Variants in TTF2 observed in about 807,000 individuals in gnomAD.
The protein encoded by TTF2 is transcription termination factor 2, also known as RNA polymerase II termination factor.
Under a neutral mutation model 142.4 loss-of-function variants are expected in TTF2, and 108 were observed. That is an observed-to-expected ratio of 0.76 (90% CI 0.65 to 0.89). TTF2 has a LOEUF of 0.89. TTF2 is among the 40% of genes least tolerant of loss of function. TTF2 has a pLI of 0.00. For missense variants in TTF2, 1,327 were observed against 1,379.8 expected (o/e 0.96, Z 0.61); for synonymous variants, 483 against 506.2 (o/e 0.95, Z 0.61).
At chr1:117,074,763 T>A (rs1656851341) in intron 4 of TTF2, 107 bp from the exon 5 acceptor site, 1 of 1,072,716 alleles carries the variant, frequency 9.3e-7, no homozygotes, top group Non-Finnish European at 1.3e-6. Flanking sequence ...CAAAGCTGCA[T>A]ATGTACCCCC....
In TTF2 at chr1:117,075,678, A is replaced by T. The variant is rs1293917935; in HGVS notation, c.1094A>T (p.Lys365Met). Residue 365 changes from lysine (K) to methionine (M), a missense_variant, in exon 5 of 23, where the codon AAG (lysine) becomes ATG (methionine). By Grantham distance (95) the Lys-to-Met change is moderately conservative. Coordinates refer to ENST00000369466, the MANE Select transcript of TTF2 (RefSeq NM_003594.4). The surrounding 1 kb of genome is among the most constrained non-coding windows in gnomAD (Gnocchi z 4.5). ...EEDDVVFVSSKPGSPLLFDST... is the reference protein window; with the variant it reads ...EEDDVVFVSSMPGSPLLFDST... ...GATGATGTTGTTTTTGTTTCCTCTAAGCCTGGGAGCCCCCTACTCTTTGAC... is the reference window on the plus strand; with the variant it reads ...GATGATGTTGTTTTTGTTTCCTCTATGCCTGGGAGCCCCCTACTCTTTGAC... The T allele has an allele frequency of 1.2e-6, 2 of 1,614,026 alleles. No individual in the cohort carries two copies. The highest frequency in any genetic ancestry group is 3.3e-5 in the Admixed American group (2 of 59,990).
chr1:117,082,345 T>C (rs920974218), intron 10 of TTF2, among the ~76,000 whole-genome samples: 1 of 152,148 alleles, frequency 6.6e-6, no homozygotes, highest in Non-Finnish European at 1.5e-5. Context: ...CCCAAGTAGC[T>C]GGGACCACAA....
chr1:117,075,580 TGCACCAGCA>T lies in TTF2; in HGVS notation c.1004_1012del (p.Ala335_Pro337del). On this transcript the variant is annotated inframe_deletion, in exon 5 of 23. Transcript: ENST00000369466. This position sits in a 1 kb window ranked among gnomAD's most constrained non-coding sequence, Gnocchi z 4.5. ...CTCCTGGAGGACCAGCGGCTCAGGC[TGCACCAGCA>T]GCACCAGGGCTTTCCCTGGGTGAGG... The T allele has an allele frequency of 6.2e-7, 1 of 1,614,190 alleles. No individual in the cohort carries two copies. Among genetic ancestry groups the T allele is most frequent in the Non-Finnish European group, 8.5e-7 (1 of 1,180,036 alleles).
In TTF2 at chr1:117,081,815, T is replaced by C. The variant is rs1209933010; in HGVS notation, c.1784-13T>C. 1.2e-6 allele frequency: 2 copies of C among 1,609,764 alleles called. No individual in the cohort carries two copies. The highest frequency in any genetic ancestry group is 1.7e-6 in the Non-Finnish European group (2 of 1,178,294). On this transcript the variant is annotated splice_polypyrimidine_tract_variant and intron_variant, in intron 9 of 22. Transcript: ENST00000369466. Reference sequence around the variant, plus strand: ...AAGCAATTAACTCTCTTAATTTTGCTTTTATTTTCTAGCAGATGATATGGG... The same window carrying C: ...AAGCAATTAACTCTCTTAATTTTGCCTTTATTTTCTAGCAGATGATATGGG...
At chr1:117,081,761 C>T (rs1557816303) in intron 9 of TTF2, 67 bp from the exon 10 acceptor site, 1 of 1,560,436 alleles carries the variant, frequency 6.4e-7, no homozygotes, top group East Asian at 2.3e-5. Flanking sequence ...GTGGTTTCTC[C>T]TCTTGAACTA....
intron 12 of TTF2, among the ~76,000 whole-genome samples, chr1:117,088,027 C>T (rs1648186220): frequency 6.6e-6 from 1 of 152,178 alleles, no homozygotes; most frequent in African/African-American, 2.4e-5. Flanking sequence ...ATTATCTTTA[C>T]ACTTGTTTTT....
rs1303792491 is a variant in TTF2 at position 117,073,590 on chromosome 1, T to G, written c.219-71T>G. 1 of 1,445,954 alleles carries G rather than the reference T, an allele frequency of 6.9e-7. No individual in the cohort carries two copies. The highest frequency in any genetic ancestry group is 1.4e-5 in the African/African-American group (1 of 70,784). 89.6% of individuals were successfully genotyped at this position (1,445,954 alleles called of 1,614,324 possible). On this transcript the variant is annotated intron_variant, in intron 3 of 22. Transcript: ENST00000369466. This position sits in a 1 kb window ranked among gnomAD's most constrained non-coding sequence, Gnocchi z 4.4. ...ATAGTTGCAAGATGTTTTCTTGGAT[T>G]AAAAATAAGCTTATCTCTTGTTCTA...
At position 117,086,305 on chromosome 1, in the gene TTF2, C is replaced by A; in HGVS notation, c.2055-112C>A. The A allele has an allele frequency of 4.4e-6, 3 of 686,272 alleles. No individual in the cohort carries two copies. Among genetic ancestry groups the A allele is most frequent in the East Asian group, 5.4e-5 (2 of 37,330 alleles). The allele number at this position is 686,272 out of a possible 1,614,324, so 42.5% of individuals were successfully genotyped here. ...TGTTAAGGACACAAGTTAATGAGTT[C>A]TGCTGTTTGTCCTTCCATTTGTAGG... On this transcript the variant is annotated intron_variant, in intron 11 of 22. Transcript: ENST00000369466. The surrounding 1 kb of genome is among the most constrained non-coding windows in gnomAD (Gnocchi z 4.2).
intron 10 of TTF2, among the ~76,000 whole-genome samples, chr1:117,082,263 G>T (rs1459258316): frequency 1.3e-5 from 2 of 152,108 alleles, no homozygotes; most frequent in South Asian, 2.1e-4. Context: ...GCTCAGGCTG[G>T]AGTGCAGTGC....
At chr1:117,074,789 A>G in intron 4 of TTF2, 81 bp from the exon 5 acceptor site, 1 of 1,307,738 alleles carries the variant, frequency 7.6e-7, no homozygotes, top group South Asian at 1.6e-5. Context: ...ATAAAATAAA[A>G]GTTGAGATGA....
intron 3 of TTF2, among the ~76,000 whole-genome samples, chr1:117,068,533 T>TAA (rs1437294337): frequency 6.7e-6 from 1 of 148,434 alleles, no homozygotes; most frequent in Non-Finnish European, 1.5e-5. Flanking sequence ...CCCTAGAACT[T>TAA]AAAGTGTAAT....
In TTF2 at chr1:117,060,520, T is replaced by C; in HGVS notation, c.94T>C (p.Cys32Arg). 6.2e-7 allele frequency: 1 copy of C among 1,614,010 alleles called. No individual in the cohort carries two copies. The highest frequency in any genetic ancestry group is 1.3e-5 in the African/African-American group (1 of 75,058). ...GPNKGKSFYVCRADTCSFVRA... is the reference protein window; with the variant it reads ...GPNKGKSFYVRRADTCSFVRA... The stretch of plus-strand genomic sequence containing the variant: ...GAATAAAGGAAAGAGCTTCTACGTG[T>C]GCCGGGCAGACACGTGCAGCTTCGT... The change falls in exon 2 of 23, where the codon TGC (cysteine) becomes CGC (arginine). Residue 32 changes from cysteine to arginine, a missense_variant. Cys to Arg is a radical substitution (Grantham distance 180). Coordinates refer to ENST00000369466, the MANE Select transcript of TTF2 (RefSeq NM_003594.4).
At position 117,104,842 on chromosome 1, in the gene TTF2, C is replaced by T. The variant is rs1181944647; in HGVS notation, c.*3318C>T. On this transcript the variant is annotated 3_prime_UTR_variant, in exon 23 of 23. Coordinates refer to ENST00000369466, the MANE Select transcript of TTF2 (RefSeq NM_003594.4). ...GTTTTGTCCTCATGAGGCTTAGCAT[C>T]TAAGGGAGACAGGCATGAATTAACA... 2 of 152,168 alleles carry T rather than the reference C, an allele frequency of 1.3e-5. No individual in the cohort carries two copies. The highest frequency in any genetic ancestry group is 3.9e-4 in the East Asian group (2 of 5,194). 9.4% of individuals were successfully genotyped at this position (152,168 alleles called of 1,614,324 possible).
At position 117,069,342 on chromosome 1, in the gene TTF2, A is replaced by G. The variant is rs1656400878; in HGVS notation, c.219-4319A>G. Among the ~76,000 whole-genome samples, 4 of 152,232 alleles carry G rather than the reference A, an allele frequency of 2.6e-5. No homozygotes were observed. The South Asian group carries it at 6.2e-4, about 24-fold the overall frequency. On this transcript the variant is annotated intron_variant, in intron 3 of 22. Coordinates refer to ENST00000369466, the MANE Select transcript of TTF2 (RefSeq NM_003594.4). Reference sequence around the variant, plus strand: ...AGATGCGAGATGGTTCTGTGACTCTAAGACATACAGTTCAGGGCTAGGAAG... The same window carrying G: ...AGATGCGAGATGGTTCTGTGACTCTGAGACATACAGTTCAGGGCTAGGAAG...
chr1:117,098,769 C>A, intron 21 of TTF2, 64 bp from the exon 22 acceptor site: 2 of 1,464,274 alleles, frequency 1.4e-6, no homozygotes, highest in Non-Finnish European at 9.4e-7. Flanking sequence ...TGGCCCATGG[C>A]CCATAGTTTG....
rs1648660447 is a variant in TTF2 at position 117,092,225 on chromosome 1, T to G, written c.2805+275T>G. On this transcript the variant is annotated intron_variant, in intron 17 of 22. Transcript: ENST00000369466. The surrounding 1 kb of genome is among the most constrained non-coding windows in gnomAD (Gnocchi z 4.4). ...AACTGTTTAAGAAAAGAAAATGATA[T>G]TTTGTTTAAAAAGAAGCCATTTGTG... 6.6e-6 allele frequency among the ~76,000 whole-genome samples: 1 copy of G among 152,214 alleles called. No individual in the cohort carries two copies. Among genetic ancestry groups the G allele is most frequent in the Non-Finnish European group, 1.5e-5 (1 of 68,040 alleles).
chr1:117,060,635 G>C, intron 2 of TTF2, 78 bp downstream of exon 2: 1 of 1,426,926 alleles, frequency 7.0e-7, no homozygotes, highest in Non-Finnish European at 9.4e-7. Flanking sequence ...CCGCTGTCGG[G>C]CGTCACAGGG....
intron 3 of TTF2, among the ~76,000 whole-genome samples, chr1:117,065,491 A>G (rs948017132): frequency 1.5e-4 from 23 of 152,228 alleles, no homozygotes; most frequent in African/African-American, 5.5e-4. Context: ...CCAGCTACTC[A>G]GGAGGCTGAG....
At position 117,076,838 on chromosome 1, in the gene TTF2, C is replaced by T; in HGVS notation, c.1573+15C>T. On this transcript the variant is annotated intron_variant, in intron 7 of 22. Transcript: ENST00000369466. This position sits in a 1 kb window ranked among gnomAD's most constrained non-coding sequence, Gnocchi z 4.6. Reference sequence around the variant, plus strand: ...GTGCTATCGAGGTAAGACCCAAGGGCCTGACCCTGCTGTGAATAGCCACCC... The same window carrying T: ...GTGCTATCGAGGTAAGACCCAAGGGTCTGACCCTGCTGTGAATAGCCACCC... The T allele has an allele frequency of 6.3e-7, 1 of 1,599,632 alleles. No homozygotes were observed. Among genetic ancestry groups the T allele is most frequent in the Non-Finnish European group, 8.5e-7 (1 of 1,172,054 alleles).
Sources: gnomAD v4.1 joint callset for allele counts (sites outside exome capture counted in the v4.1 genomes callset) on GRCh38, gnomAD v4.1.1 for gene constraint, Gnocchi (gnomAD v3.1) non-coding constraint, MANE v1.5 for transcripts, NCBI Gene and HGNC (gene_info 2026-07-23, HGNC 2026-07-21) for gene names.